Variants in DOK5 observed in about 807,000 individuals in gnomAD.
DOK5 encodes downstream of tyrosine kinase 5.
DOK5 carries 27 observed loss-of-function variants against 43.3 expected under a neutral mutation model. The observed-to-expected ratio is 0.62, with a 90% confidence interval of 0.46 to 0.86. The LOEUF (loss-of-function observed/expected upper bound fraction) is 0.86. Among genes scored for constraint, DOK5 ranks in the 40% least tolerant of loss-of-function variants. DOK5 has a pLI of 0.00. For synonymous variants in DOK5, 146 were observed against 140.1 expected, an observed-to-expected ratio of 1.04 and a Z score of -0.30; for missense variants, 373 against 392.9, an observed-to-expected ratio of 0.95 and a Z score of 0.43.
At chr20:54,490,474 G>T (rs1352437931) in intron 1 of DOK5, among the ~76,000 whole-genome samples, 1 of 152,206 alleles carries the variant, frequency 6.6e-6, no homozygotes, top group Admixed American at 6.5e-5. Flanking sequence ...TGGCAGGAGT[G>T]GGAGGGTAGG....
At chr20:54,548,605 A>G (rs565478454) in intron 1 of DOK5, among the ~76,000 whole-genome samples, 1 of 152,344 alleles carries the variant, frequency 6.6e-6, no homozygotes, top group South Asian at 2.1e-4. Context: ...TTTTAAATAA[A>G]AATGTTAGTT....
At chr20:54,540,223 C>T (rs1217565547) in intron 1 of DOK5, among the ~76,000 whole-genome samples, 1 of 152,024 alleles carries the variant, frequency 6.6e-6, no homozygotes, top group East Asian at 1.9e-4. Flanking sequence ...AGTCTATCAC[C>T]ATTATGACCA....
At chr20:54,546,860 A>G (rs75358856) in intron 1 of DOK5, among the ~76,000 whole-genome samples, 2,893 of 152,274 alleles carry the variant, frequency 0.019, 22 homozygotes, top group South Asian at 0.034. Flanking sequence ...TGATTCCCCA[A>G]TGGTGGACAG....
chr20:54,488,168 C>G (rs1394587060), intron 1 of DOK5, among the ~76,000 whole-genome samples: 1 of 152,208 alleles, frequency 6.6e-6, no homozygotes, highest in Non-Finnish European at 1.5e-5. Context: ...ATTCCACCAA[C>G]AGTGGCCTCA....
chr20:54,644,307 C>T (rs1264495848), intron 7 of DOK5, among the ~76,000 whole-genome samples: 1 of 151,048 alleles, frequency 6.6e-6, no homozygotes, highest in East Asian at 2.0e-4. Flanking sequence ...CGTGGTGGCT[C>T]ACGCCTGTAA....
At chr20:54,585,418 C>T (rs1163423895) in intron 2 of DOK5, among the ~76,000 whole-genome samples, 1 of 152,218 alleles carries the variant, frequency 6.6e-6, no homozygotes, top group South Asian at 2.1e-4. Context: ...ATCTCTTCCT[C>T]TTTGCCCTTA....
At chr20:54,535,979 T>A (rs908044925) in intron 1 of DOK5, among the ~76,000 whole-genome samples, 9 of 152,340 alleles carry the variant, frequency 5.9e-5, no homozygotes, top group Non-Finnish European at 1.3e-4. Context: ...GTTCTCAGTA[T>A]GACTTTTGCC....
chr20:54,577,430 A>G (rs1354708694), intron 2 of DOK5, among the ~76,000 whole-genome samples: 1 of 152,200 alleles, frequency 6.6e-6, no homozygotes, highest in Non-Finnish European at 1.5e-5. Flanking sequence ...TCCTTTGAAA[A>G]TTAAAAAGAA....
chr20:54,619,559 GA>G (rs1388566490), intron 6 of DOK5, among the ~76,000 whole-genome samples: 2 of 152,160 alleles, frequency 1.3e-5, no homozygotes, highest in Non-Finnish European at 2.9e-5. Context: ...CGGGTGGGGT[GA>G]GGGGGCCCCA....
chr20:54,546,619 A>G (rs1032530719), intron 1 of DOK5, among the ~76,000 whole-genome samples: 2 of 150,024 alleles, frequency 1.3e-5, no homozygotes, highest in African/African-American at 4.9e-5. Flanking sequence ...TCATTGATAT[A>G]TATCTTTAGA....
In DOK5 at chr20:54,644,718, A is replaced by AAAAAAAAAAAAAAAC. The variant is rs1555839806; in HGVS notation, c.856+1146_856+1147insAAAAAAAACAAAAAA. ...GAGACTCCGTCTCAAAAAAAAAAAA[A>AAAAAAAAAAAAAAAC]AAAAAACAAAATTTAGCTGGGCGTG... On this transcript the variant is annotated intron_variant, in intron 7 of 7. Coordinates refer to ENST00000262593, the MANE Select transcript of DOK5 (RefSeq NM_018431.5). 9.5e-3 allele frequency among the ~76,000 whole-genome samples: 1,355 copies of AAAAAAAAAAAAAAAC among 142,222 alleles called. 41 individuals carry two copies. The highest frequency in any genetic ancestry group is 0.038 in the African/African-American group (1,296 of 33,830). The allele number at this position is 142,222 out of a possible 152,430, so 93.3% of individuals were successfully genotyped here.
intron 2 of DOK5, among the ~76,000 whole-genome samples, chr20:54,587,347 G>T (rs900550674): frequency 1.3e-5 from 2 of 152,184 alleles, no homozygotes; most frequent in African/African-American, 4.8e-5. Context: ...GATTAGTGTT[G>T]TGCATGGAGG....
rs1050083156 is a variant in DOK5, at chr20:54,504,368, T to C, written c.66+28356T>C. Among the ~76,000 whole-genome samples the C allele has an allele frequency of 3.3e-5, 5 of 152,300 alleles. No homozygotes were observed. The South Asian group carries it at 1.0e-3, about 32-fold the overall frequency. ...TAACTAAAAATAAATACAATGAAAA[T>C]GAAGCAATATTAGACACATTGTTCA... On this transcript the variant is annotated intron_variant, in intron 1 of 7. Transcript: ENST00000262593.
At chr20:54,615,430 T>C (rs189175313) in intron 6 of DOK5, among the ~76,000 whole-genome samples, 97 of 152,188 alleles carry the variant, frequency 6.4e-4, no homozygotes, top group African/African-American at 2.3e-3. Context: ...GGGTCGAATA[T>C]AATCACAATT....
chr20:54,553,890 C>CTG (rs1984621348), intron 1 of DOK5, among the ~76,000 whole-genome samples: 1 of 111,530 alleles, frequency 9.0e-6, no homozygotes, highest in South Asian at 2.6e-4. Context: ...GAGCAAGACT[C>CTG]TGTCTCAAAA....
At chr20:54,540,484 G>A (rs1984115803) in intron 1 of DOK5, among the ~76,000 whole-genome samples, 1 of 152,086 alleles carries the variant, frequency 6.6e-6, no homozygotes, top group Non-Finnish European at 1.5e-5. Flanking sequence ...ACTATGGAGT[G>A]TTTGCTATAT....
chr20:54,630,047 T>A (rs1041433297), intron 6 of DOK5, among the ~76,000 whole-genome samples: 2 of 152,138 alleles, frequency 1.3e-5, no homozygotes, highest in African/African-American at 4.8e-5. Flanking sequence ...TTGGAGGGTT[T>A]TGAGAAAGGG....
chr20:54,599,887 T>C (rs1986255031), intron 5 of DOK5, among the ~76,000 whole-genome samples: 1 of 152,206 alleles, frequency 6.6e-6, no homozygotes, highest in Admixed American at 6.5e-5. Context: ...ACATACAACT[T>C]ACTCAACAGA....
intron 1 of DOK5, among the ~76,000 whole-genome samples, chr20:54,513,604 G>A (rs938013035): frequency 2.0e-5 from 3 of 151,920 alleles, no homozygotes; most frequent in Admixed American, 1.3e-4. Context: ...GTCACTAAAG[G>A]ACTAGAGAAT....
Sources: allele counts gnomAD v4.1 joint callset (sites outside exome capture counted in the v4.1 genomes callset), GRCh38; gene constraint gnomAD v4.1.1; transcripts MANE v1.5; gene names NCBI Gene and HGNC (gene_info 2026-07-23, HGNC 2026-07-21).